The following SIPA1L1 variants were observed in gnomAD, a reference collection of about 807,000 sequenced individuals.
The protein encoded by SIPA1L1 is signal induced proliferation associated 1 like 1.
Under a neutral mutation model 162.7 loss-of-function variants are expected in SIPA1L1, and 26 were observed. The ratio of observed to expected loss-of-function variants is 0.16; its 90% CI spans 0.12 to 0.22. The LOEUF is 0.22. Among genes scored for constraint, SIPA1L1 ranks in the 10% least tolerant of loss-of-function variants. The pLI, the probability that SIPA1L1 is intolerant of heterozygous loss-of-function variation, is 1.00. For missense variants in SIPA1L1, 1,874 were observed against 2,241.0 expected (o/e 0.84, Z 3.31); for synonymous variants, 829 against 837.4 (o/e 0.99, Z 0.17).
chr14:71,733,581 C>T (rs1346492472), intron 20 of SIPA1L1, 85 bp from the exon 21 acceptor site: 32 of 1,358,168 alleles, frequency 2.4e-5, no homozygotes, highest in Non-Finnish European at 3.1e-5. Context: ...GGCTTACAAT[C>T]TATTGTGGTA....
intron 5 of SIPA1L1, among the ~76,000 whole-genome samples, chr14:71,617,782 G>A (rs2148471011): frequency 6.6e-6 from 1 of 152,254 alleles, no homozygotes. Flanking sequence ...AGATATAAAT[G>A]AAATACAATA....
chr14:71,454,746 G>A (rs1316906808), intron 2 of SIPA1L1, among the ~76,000 whole-genome samples: 1 of 152,116 alleles, frequency 6.6e-6, no homozygotes, highest in African/African-American at 2.4e-5. Context: ...AATAAAAGGA[G>A]AAACAACAAA....
intron 2 of SIPA1L1, among the ~76,000 whole-genome samples, chr14:71,335,280 C>T (rs895176541): frequency 2.0e-5 from 3 of 152,194 alleles, no homozygotes; most frequent in East Asian, 1.9e-4. Context: ...CTACCCTGGG[C>T]GACAGAGTGA....
intron 2 of SIPA1L1, among the ~76,000 whole-genome samples, chr14:71,387,164 C>T (rs924298144): frequency 4.4e-5 from 6 of 135,112 alleles, no homozygotes; most frequent in Non-Finnish European, 4.6e-5. Flanking sequence ...AGAAGAATTG[C>T]GTGAATCTGG....
intron 4 of SIPA1L1, among the ~76,000 whole-genome samples, chr14:71,575,628 C>T (rs968540289): frequency 1.1e-4 from 17 of 152,248 alleles, no homozygotes; most frequent in African/African-American, 4.1e-4. Flanking sequence ...ACCACACTGC[C>T]TTCCATTGTC....
At chr14:71,456,669 C>G (rs2046211625) in intron 2 of SIPA1L1, among the ~76,000 whole-genome samples, 1 of 152,172 alleles carries the variant, frequency 6.6e-6, no homozygotes, top group Non-Finnish European at 1.5e-5. Context: ...AACAGAATGT[C>G]TAAAGTGTGT....
chr14:71,383,837 A>G (rs1252959837), intron 2 of SIPA1L1, among the ~76,000 whole-genome samples: 2 of 152,112 alleles, frequency 1.3e-5, no homozygotes, highest in African/African-American at 2.4e-5. Context: ...AGCAGGCCCC[A>G]CCTTCCACAC....
intron 2 of SIPA1L1, among the ~76,000 whole-genome samples, chr14:71,476,160 CTG>C (rs1454536527): frequency 6.6e-6 from 1 of 152,180 alleles, no homozygotes. Context: ...TTAAAACAAA[CTG>C]TATGTGTATT....
intron 4 of SIPA1L1, among the ~76,000 whole-genome samples, chr14:71,572,740 T>C (rs2032312647): frequency 6.6e-6 from 1 of 152,176 alleles, no homozygotes; most frequent in Admixed American, 6.5e-5. Flanking sequence ...GCTTCTTATG[T>C]TGTATGTAGG....
chr14:71,562,053 T>C (rs967160686), intron 4 of SIPA1L1, among the ~76,000 whole-genome samples: 1 of 152,082 alleles, frequency 6.6e-6, no homozygotes, highest in East Asian at 1.9e-4. Context: ...CTCACAAAGA[T>C]CTATTAATAT....
At chr14:71,654,736 T>C (rs979901517) in intron 8 of SIPA1L1, among the ~76,000 whole-genome samples, 2 of 152,196 alleles carry the variant, frequency 1.3e-5, no homozygotes, top group African/African-American at 2.4e-5. Context: ...TAATTAAAGC[T>C]CTATACAAAT....
At chr14:71,517,081 A>G (rs2051814839) in intron 3 of SIPA1L1, among the ~76,000 whole-genome samples, 1 of 151,840 alleles carries the variant, frequency 6.6e-6, no homozygotes, top group Non-Finnish European at 1.5e-5. Flanking sequence ...GTACCTTCTT[A>G]TAAATAAAAA....
At chr14:71,417,808 G>A (rs1458476431) in intron 2 of SIPA1L1, among the ~76,000 whole-genome samples, 1 of 152,130 alleles carries the variant, frequency 6.6e-6, no homozygotes, top group Non-Finnish European at 1.5e-5. Flanking sequence ...CTATAATACA[G>A]TATAAAAATA....
chr14:71,650,956 A>G (rs1341177236), intron 8 of SIPA1L1, among the ~76,000 whole-genome samples: 3 of 152,050 alleles, frequency 2.0e-5, no homozygotes, highest in Admixed American at 6.6e-5. Flanking sequence ...TTCTTTTTAC[A>G]TCTAGGGTTT....
At chr14:71,634,137 A>C (rs1230031770) in intron 7 of SIPA1L1, among the ~76,000 whole-genome samples, 1 of 151,776 alleles carries the variant, frequency 6.6e-6, no homozygotes, top group Non-Finnish European at 1.5e-5. Flanking sequence ...ACGGTGGCTC[A>C]TGCCTGTAAT....
chr14:71,690,902 C>T (rs2081206549), intron 13 of SIPA1L1, among the ~76,000 whole-genome samples: 1 of 152,202 alleles, frequency 6.6e-6, no homozygotes, highest in Non-Finnish European at 1.5e-5. Flanking sequence ...ACTTGAAAGG[C>T]ATGAAAGTGT....
chr14:71,379,482 T>C (rs2141159967), intron 2 of SIPA1L1: 2 of 152,244 alleles, frequency 1.3e-5, no homozygotes, highest in South Asian at 4.1e-4. Context: ...TAATTTTTTT[T>C]TTTTTTTTAA....
intron 2 of SIPA1L1, among the ~76,000 whole-genome samples, chr14:71,475,095 T>TA (rs1465078960): frequency 6.6e-6 from 1 of 152,216 alleles, no homozygotes; most frequent in African/African-American, 2.4e-5. Context: ...TGACATGTAA[T>TA]AAAAAACAGT....
At chr14:71,399,970 C>T (rs1047978055) in intron 2 of SIPA1L1, among the ~76,000 whole-genome samples, 4 of 152,000 alleles carry the variant, frequency 2.6e-5, no homozygotes, top group Admixed American at 1.3e-4. Flanking sequence ...ATCCACCCGC[C>T]TCGGCCTCAC....
Sources: allele counts gnomAD v4.1 joint callset (sites outside exome capture counted in the v4.1 genomes callset), GRCh38; gene constraint gnomAD v4.1.1; transcripts MANE v1.5; gene names NCBI Gene and HGNC (gene_info 2026-07-23, HGNC 2026-07-21).